SCFD2: variants seen among roughly 807,000 people sequenced by gnomAD.
SCFD2 encodes the protein sec1 family domain-containing protein 2.
In SCFD2, 54 loss-of-function variants were observed where a neutral mutation model predicts 58.9. The observed-to-expected ratio is 0.92, with a 90% CI of 0.74 to 1.15. The LOEUF (loss-of-function observed/expected upper bound fraction) is 1.15, where lower values mean the gene tolerates loss of function less well. Ranked by LOEUF, SCFD2 falls within the 50% of genes most tolerant of loss-of-function variation. The probability of loss-of-function intolerance (pLI) is 0.00; values close to 1 mark genes in which losing one functional copy is unlikely to be tolerated. For synonymous variants in SCFD2, 321 were observed against 335.9 expected (o/e 0.96, Z 0.49); for missense variants, 805 against 836.6 (o/e 0.96, Z 0.47).
At position 52,903,328 on chromosome 4, in the gene SCFD2, T is replaced by G. The variant is rs962504977; in HGVS notation, c.1842+4129A>C. ...TTGGGGTTACCTACAGATGAAATAATGACCAGCTTTGCCTTGCTTAGTAGC... is the reference window on the plus strand; with the variant it reads ...TTGGGGTTACCTACAGATGAAATAAGGACCAGCTTTGCCTTGCTTAGTAGC... On this transcript the variant is annotated intron_variant, in intron 7 of 8. Coordinates refer to ENST00000401642, the MANE Select transcript of SCFD2 (RefSeq NM_152540.4). 2.5e-4 allele frequency among the ~76,000 whole-genome samples: 38 copies of G among 152,122 alleles called. 1 individual carries two copies. The highest frequency in any genetic ancestry group is 1.0e-3 in the South Asian group (5 of 4,820).
chr4:53,287,924 C>A (rs1731720304), intron 3 of SCFD2, among the ~76,000 whole-genome samples: 1 of 151,868 alleles, frequency 6.6e-6, no homozygotes, highest in African/African-American at 2.4e-5. Flanking sequence ...ATTCTTGGAG[C>A]TGCAGAATTC....
At chr4:53,256,910 C>T (rs1490611043) in intron 4 of SCFD2, among the ~76,000 whole-genome samples, 109 of 6,978 alleles carry the variant, frequency 0.016, no homozygotes, top group African/African-American at 0.022. Flanking sequence ...GGGAGGGGGA[C>T]GGGGAGGGGG....
At chr4:53,206,314 A>C (rs1728405172) in intron 4 of SCFD2, among the ~76,000 whole-genome samples, 1 of 152,154 alleles carries the variant, frequency 6.6e-6, no homozygotes, top group African/African-American at 2.4e-5. Flanking sequence ...TAATTTAAAA[A>C]ATAAATAACT....
chr4:53,072,633 G>GT (rs201780840), intron 5 of SCFD2, among the ~76,000 whole-genome samples: 2,254 of 152,184 alleles, frequency 0.015, 54 homozygotes, highest in African/African-American at 0.052. Flanking sequence ...GTCCTAACTA[G>GT]TTTTTTGTGC....
intron 2 of SCFD2, among the ~76,000 whole-genome samples, chr4:53,342,994 CA>C (rs1414704448): frequency 6.6e-6 from 1 of 152,074 alleles, no homozygotes; most frequent in Non-Finnish European, 1.5e-5. Context: ...TAAATGCCCA[CA>C]AGAGAAAGCA....
chr4:53,333,349 A>G (rs925838220), intron 2 of SCFD2, among the ~76,000 whole-genome samples: 7 of 141,892 alleles, frequency 4.9e-5, no homozygotes, highest in African/African-American at 1.9e-4. Context: ...ACTTCAAACT[A>G]TACTACAAGG....
At chr4:53,215,879 C>CT (rs1290800944) in intron 4 of SCFD2, among the ~76,000 whole-genome samples, 1 of 151,962 alleles carries the variant, frequency 6.6e-6, no homozygotes, top group Non-Finnish European at 1.5e-5. Context: ...TATCAAAGGC[C>CT]TTTTCTGCAT....
rs1401054137 is a variant in SCFD2 at position 53,256,248 on chromosome 4, C to T, written c.1311+17578G>A. Among the ~76,000 whole-genome samples the T allele has an allele frequency of 1.0e-4, 15 of 146,766 alleles. 1 individual carries two copies. The highest frequency in any genetic ancestry group is 1.8e-4 in the Non-Finnish European group (12 of 66,528). On this transcript the variant is annotated intron_variant, in intron 4 of 8. Coordinates refer to ENST00000401642, the MANE Select transcript of SCFD2 (RefSeq NM_152540.4). ...GCAGAGGGTCTCCTCACTTCTCAGA[C>T]GGGGCAGCCGGGCAGAGGCGCTCCT...
At chr4:52,885,361 A>C (rs931579598) in intron 8 of SCFD2, among the ~76,000 whole-genome samples, 1 of 152,166 alleles carries the variant, frequency 6.6e-6, no homozygotes, top group Non-Finnish European at 1.5e-5. Flanking sequence ...TAGCCCCAGA[A>C]GCCCAGAGCT....
intron 3 of SCFD2, among the ~76,000 whole-genome samples, chr4:53,295,004 G>A (rs1731975252): frequency 6.6e-6 from 1 of 152,166 alleles, no homozygotes. Context: ...CTATATATCT[G>A]TTTTGGTACC....
At chr4:53,228,597 A>G (rs1046249706) in intron 4 of SCFD2, among the ~76,000 whole-genome samples, 1 of 152,206 alleles carries the variant, frequency 6.6e-6, no homozygotes, top group Admixed American at 6.5e-5. Flanking sequence ...CTCTCAATAA[A>G]TTAGGTATTA....
chr4:52,933,894 G>C (rs1448318417), intron 5 of SCFD2, among the ~76,000 whole-genome samples: 1 of 152,158 alleles, frequency 6.6e-6, no homozygotes, highest in Non-Finnish European at 1.5e-5. Context: ...ATGGGAATAG[G>C]TTGTCATAAA....
At chr4:53,238,041 C>T (rs1333499071) in intron 4 of SCFD2, among the ~76,000 whole-genome samples, 3 of 137,824 alleles carry the variant, frequency 2.2e-5, no homozygotes, top group African/African-American at 2.8e-5. Context: ...GGGTGGCTGG[C>T]CGGGCGGGGG....
intron 3 of SCFD2, among the ~76,000 whole-genome samples, chr4:53,298,835 G>A (rs970626589): frequency 6.6e-6 from 1 of 151,806 alleles, no homozygotes; most frequent in African/African-American, 2.4e-5. Context: ...AGGCAAAAAG[G>A]GTCTGGAGTG....
At chr4:53,134,662 G>T (rs1725887306) in intron 5 of SCFD2, among the ~76,000 whole-genome samples, 1 of 152,190 alleles carries the variant, frequency 6.6e-6, no homozygotes, top group Non-Finnish European at 1.5e-5. Context: ...AAATAGCAAA[G>T]GAAGCACAGA....
chr4:53,308,976 T>TA (rs1277743465), intron 3 of SCFD2, among the ~76,000 whole-genome samples: 4 of 151,134 alleles, frequency 2.6e-5, no homozygotes, highest in Non-Finnish European at 5.9e-5. Flanking sequence ...TAGATAAAAA[T>TA]AAAAAAATTA....
intron 5 of SCFD2, among the ~76,000 whole-genome samples, chr4:53,135,844 G>A (rs1354566140): frequency 6.6e-6 from 1 of 151,808 alleles, no homozygotes; most frequent in Non-Finnish European, 1.5e-5. Context: ...CATTTTCACT[G>A]TTGTTTCCCC....
intron 4 of SCFD2, among the ~76,000 whole-genome samples, chr4:53,186,997 A>T (rs190464106): frequency 1.3e-5 from 2 of 152,054 alleles, no homozygotes; most frequent in African/African-American, 4.8e-5. Context: ...GATAGAGTTG[A>T]CTGTAAAAAG....
At chr4:53,290,802 A>G (rs1321059361) in intron 3 of SCFD2, among the ~76,000 whole-genome samples, 2 of 152,142 alleles carry the variant, frequency 1.3e-5, no homozygotes, top group Non-Finnish European at 2.9e-5. Flanking sequence ...TGAAGGAATC[A>G]TAAGGTACTA....
Sources: allele counts gnomAD v4.1 joint callset (sites outside exome capture counted in the v4.1 genomes callset), GRCh38; gene constraint gnomAD v4.1.1; transcripts MANE v1.5; gene names NCBI Gene and HGNC (gene_info 2026-07-23, HGNC 2026-07-21).